Variants in UBE2E2 observed in about 807,000 individuals in gnomAD.
The protein encoded by UBE2E2 is ubiquitin conjugating enzyme E2 E2.
In UBE2E2, 6 loss-of-function variants were observed where a neutral mutation model predicts 24.7. The observed-to-expected ratio is 0.24, with a 90% CI of 0.13 to 0.48. The LOEUF is 0.48. Ranked by LOEUF, UBE2E2 falls within the 20% of genes least tolerant of loss-of-function variation. The probability of loss-of-function intolerance (pLI) is 0.99; values close to 1 mark genes in which losing one functional copy is unlikely to be tolerated. For missense variants in UBE2E2, 169 were observed against 245.0 expected, an observed-to-expected ratio of 0.69 and a Z score of 2.07; for synonymous variants, 104 against 83.6, an observed-to-expected ratio of 1.24 and a Z score of -1.33.
intron 3 of UBE2E2, among the ~76,000 whole-genome samples, chr3:23,369,970 C>G (rs6763074): frequency 0.29 from 43,832 of 151,892 alleles, 6,549 homozygotes; most frequent in East Asian, 0.36. Context: ...CATCTGTTCC[C>G]CCTTTAGATA....
chr3:23,314,792 C>T (rs770177307), intron 3 of UBE2E2, among the ~76,000 whole-genome samples: 1 of 152,132 alleles, frequency 6.6e-6, no homozygotes, highest in Non-Finnish European at 1.5e-5. Flanking sequence ...TGGTCTGTGA[C>T]GTTTCCACTG....
chr3:23,416,310 A>T (rs1209374838), intron 3 of UBE2E2, among the ~76,000 whole-genome samples: 1 of 152,146 alleles, frequency 6.6e-6, no homozygotes, highest in Non-Finnish European at 1.5e-5. Context: ...TTGCTTATGA[A>T]TGTTAGTTTG....
chr3:23,291,001 C>A (rs1180781635), intron 3 of UBE2E2, among the ~76,000 whole-genome samples: 1 of 146,110 alleles, frequency 6.8e-6, no homozygotes, highest in Admixed American at 7.0e-5. Flanking sequence ...CCTAGGAGTT[C>A]AAGGCTGCAG....
chr3:23,514,454 G>T (rs145058530), intron 4 of UBE2E2, among the ~76,000 whole-genome samples: 1 of 152,112 alleles, frequency 6.6e-6, no homozygotes, highest in African/African-American at 2.4e-5. Flanking sequence ...ATATTGTGCA[G>T]TGTGTATGTG....
intron 3 of UBE2E2, among the ~76,000 whole-genome samples, chr3:23,274,468 A>G (rs758780292): frequency 1.2e-4 from 18 of 151,658 alleles, no homozygotes; most frequent in Non-Finnish European, 1.6e-4. Context: ...AGATCCTCCT[A>G]TCTCCGTCTC....
chr3:23,265,524 CA>C (rs68068680), intron 3 of UBE2E2, among the ~76,000 whole-genome samples: 6,436 of 152,192 alleles, frequency 0.042, 468 homozygotes, highest in African/African-American at 0.15. Context: ...TAAAGAACAA[CA>C]GAGAAACCAT....
At chr3:23,353,859 G>A (rs1017145341) in intron 3 of UBE2E2, among the ~76,000 whole-genome samples, 17 of 152,136 alleles carry the variant, frequency 1.1e-4, no homozygotes, top group African/African-American at 4.1e-4. Context: ...CTACCAATGA[G>A]TTTCTTCACA....
chr3:23,397,510 C>G (rs1697106964), intron 3 of UBE2E2, among the ~76,000 whole-genome samples: 1 of 152,186 alleles, frequency 6.6e-6, no homozygotes, highest in Admixed American at 6.5e-5. Context: ...TCCAAGAAAT[C>G]TCCCACATTC....
At chr3:23,364,664 G>T (rs1696209546) in intron 3 of UBE2E2, among the ~76,000 whole-genome samples, 1 of 152,142 alleles carries the variant, frequency 6.6e-6, no homozygotes, top group Non-Finnish European at 1.5e-5. Flanking sequence ...CCCAGGACCA[G>T]ACAGATTCAC....
chr3:23,522,858 C>T lies in UBE2E2; in HGVS notation c.361-9696C>T, dbSNP rs188804228. Among the ~76,000 whole-genome samples the T allele has an allele frequency of 6.1e-3, 927 of 151,994 alleles. 12 individuals carry two copies. Among genetic ancestry groups the T allele is most frequent in the African/African-American group, 0.021 (859 of 41,444 alleles). The stretch of plus-strand genomic sequence containing the variant: ...CATGAAGATGCAAATGCAAAACATT[C>T]CACAGTCCAAAGCACATGGGACTTC... On this transcript the variant is annotated intron_variant, in intron 4 of 5. Coordinates refer to ENST00000396703, the MANE Select transcript of UBE2E2 (RefSeq NM_152653.4).
intron 3 of UBE2E2, among the ~76,000 whole-genome samples, chr3:23,482,778 A>G (rs1575659074): frequency 6.6e-6 from 1 of 152,228 alleles, no homozygotes; most frequent in African/African-American, 2.4e-5. Context: ...TAAGTAGAGC[A>G]ACCTGATTTG....
intron 3 of UBE2E2, among the ~76,000 whole-genome samples, chr3:23,290,064 A>G (rs1197636234): frequency 6.6e-6 from 1 of 152,268 alleles, no homozygotes; most frequent in Non-Finnish European, 1.5e-5. Flanking sequence ...AAGCCAGTTT[A>G]TATTTTAAAC....
At chr3:23,425,207 G>A (rs138808608) in intron 3 of UBE2E2, among the ~76,000 whole-genome samples, 31 of 152,128 alleles carry the variant, frequency 2.0e-4, no homozygotes, top group African/African-American at 7.2e-4. Context: ...TAACTATAAT[G>A]CCATTAAAAC....
At chr3:23,451,523 C>G (rs549470941) in intron 3 of UBE2E2, among the ~76,000 whole-genome samples, 102 of 152,256 alleles carry the variant, frequency 6.7e-4, no homozygotes, top group African/African-American at 2.3e-3. Flanking sequence ...GTGAGCGCTT[C>G]TGACGACTAT....
At chr3:23,495,436 G>A (rs1442256913) in intron 3 of UBE2E2, among the ~76,000 whole-genome samples, 1 of 152,124 alleles carries the variant, frequency 6.6e-6, no homozygotes, top group Non-Finnish European at 1.5e-5. Context: ...TTCTTGGGAG[G>A]CCATTTTAAG....
intron 3 of UBE2E2, among the ~76,000 whole-genome samples, chr3:23,394,312 G>A (rs1160237173): frequency 2.0e-5 from 3 of 152,152 alleles, no homozygotes; most frequent in Non-Finnish European, 2.9e-5. Flanking sequence ...TATCAACAGT[G>A]TTGAAAGTAC....
intron 4 of UBE2E2, among the ~76,000 whole-genome samples, chr3:23,522,701 A>G (rs954439039): frequency 6.6e-6 from 1 of 152,214 alleles, no homozygotes; most frequent in African/African-American, 2.4e-5. Flanking sequence ...TTGAGATGTC[A>G]TCTGTAGGAG....
At chr3:23,431,392 A>G (rs1475586434) in intron 3 of UBE2E2, among the ~76,000 whole-genome samples, 1 of 152,196 alleles carries the variant, frequency 6.6e-6, no homozygotes, top group African/African-American at 2.4e-5. Context: ...TGCAGCGGGA[A>G]AGCCACAGAA....
intron 4 of UBE2E2, among the ~76,000 whole-genome samples, chr3:23,523,676 T>G (rs529015480): frequency 1.1e-4 from 16 of 152,258 alleles, no homozygotes; most frequent in African/African-American, 3.9e-4. Flanking sequence ...GATATACATA[T>G]TTTTCAGGAT....
Sources: gnomAD v4.1 joint callset for allele counts (sites outside exome capture counted in the v4.1 genomes callset) on GRCh38, gnomAD v4.1.1 for gene constraint, MANE v1.5 for transcripts, NCBI Gene and HGNC (gene_info 2026-07-23, HGNC 2026-07-21) for gene names.